The following AGTR1 variants were observed in gnomAD, a reference collection of about 807,000 sequenced individuals.
The protein encoded by AGTR1 is angiotensin II receptor type 1, also known as type-1 angiotensin II receptor.
In AGTR1, 16 loss-of-function variants were observed where a neutral mutation model predicts 19.4. The ratio of observed to expected loss-of-function variants is 0.82; its 90% CI spans 0.56 to 1.25. AGTR1 has a LOEUF of 1.25. Ranked by LOEUF, AGTR1 falls within the 50% of genes most tolerant of loss-of-function variation. The probability of loss-of-function intolerance (pLI) is 0.00; values close to 1 mark genes in which losing one functional copy is unlikely to be tolerated. For synonymous variants in AGTR1, 153 were observed against 154.9 expected (o/e 0.99, Z 0.09); for missense variants, 373 against 431.9 (o/e 0.86, Z 1.21).
chr3:148,739,123 C>T (rs529829457), intron 2 of AGTR1, among the ~76,000 whole-genome samples: 1 of 152,274 alleles, frequency 6.6e-6, no homozygotes, highest in African/African-American at 2.4e-5. Flanking sequence ...TTTTGGGAGG[C>T]CAAGGCGGGT....
intron 2 of AGTR1, among the ~76,000 whole-genome samples, chr3:148,723,338 A>C (rs923909370): frequency 2.0e-5 from 3 of 152,234 alleles, no homozygotes; most frequent in Non-Finnish European, 4.4e-5. Flanking sequence ...AAATATTTTC[A>C]GTATTTATTT....
intron 2 of AGTR1, among the ~76,000 whole-genome samples, chr3:148,722,132 A>C (rs1713672643): frequency 6.6e-6 from 1 of 152,232 alleles, no homozygotes; most frequent in Non-Finnish European, 1.5e-5. Context: ...AATGTTTAGC[A>C]TCCATTATAA....
At chr3:148,711,373 A>G (rs1712975195) in intron 2 of AGTR1, among the ~76,000 whole-genome samples, 2 of 152,182 alleles carry the variant, frequency 1.3e-5, no homozygotes, top group Non-Finnish European at 2.9e-5. Context: ...TAGCTATATA[A>G]CTAGCTGTGA....
At chr3:148,713,052 A>T (rs2107937128) in intron 2 of AGTR1, among the ~76,000 whole-genome samples, 1 of 152,112 alleles carries the variant, frequency 6.6e-6, no homozygotes, top group Non-Finnish European at 1.5e-5. Context: ...TACAATATTC[A>T]CCAATTAAGT....
Position 148,740,983 on chromosome 3 carries a change from C to T in AGTR1, c.-47-6C>T. Reference sequence around the variant, plus strand: ...TTCTTTACCATTTTATTTTTATTTTCCCCAGGTGTATTTGATATAGTGTTT... The same window carrying T: ...TTCTTTACCATTTTATTTTTATTTTTCCCAGGTGTATTTGATATAGTGTTT... On this transcript the variant is annotated splice_region_variant and splice_polypyrimidine_tract_variant and intron_variant, in intron 2 of 2. Transcript: ENST00000349243. The T allele has an allele frequency of 1.2e-6, 2 of 1,604,414 alleles. No homozygotes were observed. The highest frequency in any genetic ancestry group is 1.1e-5 in the South Asian group (1 of 89,158).
chr3:148,719,584 T>C (rs1191218837), intron 2 of AGTR1, among the ~76,000 whole-genome samples: 1 of 152,226 alleles, frequency 6.6e-6, no homozygotes, highest in Admixed American at 6.5e-5. Flanking sequence ...CCTGTGCTGT[T>C]CTCAGGTTCT....
intron 2 of AGTR1, chr3:148,731,075 A>G (rs1714227155): frequency 6.6e-6 from 1 of 152,220 alleles, no homozygotes; most frequent in Admixed American, 6.5e-5. Flanking sequence ...GTTTGGATAT[A>G]TTGGATTAAA....
rs77102920 is a variant in AGTR1, at chr3:148,716,065, T to G, written c.-48+8038T>G. Among the ~76,000 whole-genome samples the G allele has an allele frequency of 5.5e-3, 844 of 152,254 alleles. 24 individuals carry two copies. The highest frequency in any genetic ancestry group is 0.044 in the Middle Eastern group (13 of 294). The stretch of plus-strand genomic sequence containing the variant: ...AACCGTATCCTATGGAAATGCCTTT[T>G]TAGCAAATTAAACTGAATTGTGTTC... On this transcript the variant is annotated intron_variant, in intron 2 of 2. Coordinates refer to ENST00000349243, the MANE Select transcript of AGTR1 (RefSeq NM_000685.5). This position sits in a 1 kb window ranked among gnomAD's most constrained non-coding sequence, Gnocchi z 4.7.
At chr3:148,698,815 A>G (rs1355337809) in intron 1 of AGTR1, among the ~76,000 whole-genome samples, 1 of 152,188 alleles carries the variant, frequency 6.6e-6, no homozygotes, top group Non-Finnish European at 1.5e-5. Context: ...GAATTTTAGC[A>G]AAAGGTCTCC....
At chr3:148,714,960 T>G (rs1312213993) in intron 2 of AGTR1, among the ~76,000 whole-genome samples, 3 of 152,192 alleles carry the variant, frequency 2.0e-5, no homozygotes, top group Non-Finnish European at 4.4e-5. Context: ...AATACAGCAA[T>G]GTATTCAAAC....
At chr3:148,714,705 C>A (rs188205369) in intron 2 of AGTR1, among the ~76,000 whole-genome samples, 1 of 152,104 alleles carries the variant, frequency 6.6e-6, no homozygotes, top group Non-Finnish European at 1.5e-5. Flanking sequence ...ATAATTTAGT[C>A]ATCGATGACT....
At chr3:148,724,379 G>T (rs1713814026) in intron 2 of AGTR1, among the ~76,000 whole-genome samples, 1 of 152,138 alleles carries the variant, frequency 6.6e-6, no homozygotes, top group African/African-American at 2.4e-5. Flanking sequence ...ATGAATCTCT[G>T]ACTTACAAGG....
chr3:148,742,359 GA>G lies in AGTR1; in HGVS notation c.*247del. 1.6e-6 allele frequency: 1 copy of G among 607,178 alleles called. No homozygotes were observed. The highest frequency in any genetic ancestry group is 3.0e-6 in the Non-Finnish European group (1 of 329,752). 37.6% of individuals were successfully genotyped at this position (607,178 alleles called of 1,614,324 possible). ...GACGGCTGCTCGAAGAACAATGTCAGAAACTCGATGAATGTGTTGATTTGAG... is the reference window on the plus strand; with the variant it reads ...GACGGCTGCTCGAAGAACAATGTCAGAACTCGATGAATGTGTTGATTTGAG... On this transcript the variant is annotated 3_prime_UTR_variant, in exon 3 of 3. Transcript: ENST00000349243.
At chr3:148,719,628 G>A (rs1282649333) in intron 2 of AGTR1, among the ~76,000 whole-genome samples, 1 of 152,182 alleles carries the variant, frequency 6.6e-6, no homozygotes, top group Non-Finnish European at 1.5e-5. Context: ...TGAGCTCAGC[G>A]ATTGGATGGC....
At chr3:148,730,784 A>G (rs749769504) in intron 2 of AGTR1, among the ~76,000 whole-genome samples, 1 of 152,144 alleles carries the variant, frequency 6.6e-6, no homozygotes, top group Non-Finnish European at 1.5e-5. Context: ...AGAGATTTAC[A>G]TCTCTAACAA....
intron 2 of AGTR1, among the ~76,000 whole-genome samples, chr3:148,722,217 A>G (rs569502406): frequency 7.2e-5 from 11 of 152,360 alleles, no homozygotes; most frequent in African/African-American, 2.4e-4. Flanking sequence ...AGACCCAGTC[A>G]GTAATGACAC....
intron 2 of AGTR1, among the ~76,000 whole-genome samples, chr3:148,719,687 T>A (rs369896818): frequency 3.3e-5 from 5 of 152,250 alleles, no homozygotes; most frequent in South Asian, 2.1e-4. Context: ...AGACTAGTGC[T>A]TCTCAAACTC....
At chr3:148,711,603 T>C (rs1196467558) in intron 2 of AGTR1, among the ~76,000 whole-genome samples, 1 of 152,188 alleles carries the variant, frequency 6.6e-6, no homozygotes, top group Admixed American at 6.6e-5. Flanking sequence ...AGGAAACATG[T>C]GTACTCCAAA....
chr3:148,717,111 T>C (rs1713348490), intron 2 of AGTR1, among the ~76,000 whole-genome samples: 1 of 143,858 alleles, frequency 7.0e-6, no homozygotes, highest in African/African-American at 2.9e-5. Flanking sequence ...ACACGTGGTT[T>C]TTCTTATCTA....
Sources: allele counts gnomAD v4.1 joint callset (sites outside exome capture counted in the v4.1 genomes callset), GRCh38; gene constraint gnomAD v4.1.1; non-coding constraint Gnocchi (gnomAD v3.1); transcripts MANE v1.5; gene names NCBI Gene and HGNC (gene_info 2026-07-23, HGNC 2026-07-21).